PRKCB: variants seen among roughly 807,000 people sequenced by gnomAD.
PRKCB encodes protein kinase C beta.
In PRKCB, 13 loss-of-function variants were observed where a neutral mutation model predicts 81.5. That is an observed-to-expected ratio of 0.16 (90% CI 0.10 to 0.25). PRKCB has a LOEUF of 0.25. Ranked by LOEUF, PRKCB falls within the 10% of genes least tolerant of loss-of-function variation. PRKCB has a pLI of 1.00. For synonymous variants in PRKCB, 335 were observed against 321.4 expected (o/e 1.04, Z -0.45); for missense variants, 509 against 875.7 (o/e 0.58, Z 5.29).
At position 23,911,825 on chromosome 16, in the gene PRKCB, C is replaced by CTTTTTTTTTTT. The variant is rs1567311221; in HGVS notation, c.205+74419_205+74420insTTTTTTTTTTT. 2.4e-5 allele frequency among the ~76,000 whole-genome samples: 3 copies of CTTTTTTTTTTT among 126,372 alleles called. 1 individual carries two copies. 82.9% of individuals were successfully genotyped at this position (126,372 alleles called of 152,430 possible). A position where few individuals can be genotyped will look rare whatever the true frequency, so the allele number is the denominator to read the frequency against. On this transcript the variant is annotated intron_variant, in intron 2 of 16. Transcript: ENST00000643927. ...CTTGTCCTGGGATATGCGCGACCCA[C>CTTTTTTTTTTT]ATTTTTTTTTTTTTTTTTTTTTTTT...
intron 2 of PRKCB, among the ~76,000 whole-genome samples, chr16:23,959,685 C>T (rs1285257809): frequency 3.3e-5 from 5 of 151,218 alleles, no homozygotes; most frequent in African/African-American, 1.2e-4. Context: ...AGCCTGCAAT[C>T]TTGGGTGTCA....
chr16:24,213,006 A>ATATTTATTTATTTATTTATT (rs113357248), intron 16 of PRKCB, among the ~76,000 whole-genome samples: 1 of 143,742 alleles, frequency 7.0e-6, no homozygotes, highest in Non-Finnish European at 1.5e-5. Context: ...CCGTACTTGT[A>ATATTTATTTATTTATTTATT]TATTTATTTA....
chr16:23,992,924 T>G (rs1964906221), intron 3 of PRKCB, among the ~76,000 whole-genome samples: 1 of 152,120 alleles, frequency 6.6e-6, no homozygotes, highest in African/African-American at 2.4e-5. Context: ...GGAAGTGGCC[T>G]CCTTACCTCA....
chr16:24,067,519 G>A (rs1383412296), intron 5 of PRKCB, among the ~76,000 whole-genome samples: 2 of 152,120 alleles, frequency 1.3e-5, no homozygotes, highest in Non-Finnish European at 2.9e-5. Flanking sequence ...GGCTGGTCTT[G>A]AATTCCTGAG....
At chr16:24,040,382 C>T (rs556116404) in intron 5 of PRKCB, among the ~76,000 whole-genome samples, 1 of 152,294 alleles carries the variant, frequency 6.6e-6, no homozygotes, top group South Asian at 2.1e-4. Context: ...GCCATCTTCT[C>T]TTTTTCTAGC....
chr16:24,018,558 A>G (rs1399129330), intron 3 of PRKCB, among the ~76,000 whole-genome samples: 1 of 152,276 alleles, frequency 6.6e-6, no homozygotes, highest in African/African-American at 2.4e-5. Flanking sequence ...AGATGTGGCT[A>G]CTAATTCACC....
rs553978159 is a variant in PRKCB, at chr16:24,201,852, G to A, written c.1863+10622G>A. On this transcript the variant is annotated intron_variant, in intron 16 of 16. Coordinates refer to ENST00000643927, the MANE Select transcript of PRKCB (RefSeq NM_002738.7). The stretch of plus-strand genomic sequence containing the variant: ...AGATCGAGACCATCTTGGCTAACAC[G>A]GTGAAACCCCATCTCCACTAAAAAA... Among the ~76,000 whole-genome samples, 11 of 152,048 alleles carry A rather than the reference G, an allele frequency of 7.2e-5. No individual in the cohort carries two copies. The South Asian group carries it at 1.4e-3, about 20-fold the overall frequency.
rs112054751 is a variant in PRKCB at position 24,017,819 on chromosome 16, T to G, written c.289-14317T>G. Among the ~76,000 whole-genome samples the G allele has an allele frequency of 9.9e-4, 149 of 151,212 alleles. 1 individual carries two copies. The highest frequency in any genetic ancestry group is 3.1e-3 in the African/African-American group (128 of 41,154). ...ATCCTGGTTCGCTGTAGCCTTGAACTCCCGGCCTCAAGTGATCCTCCCACT... is the reference window on the plus strand; with the variant it reads ...ATCCTGGTTCGCTGTAGCCTTGAACGCCCGGCCTCAAGTGATCCTCCCACT... On this transcript the variant is annotated intron_variant, in intron 3 of 16. Transcript: ENST00000643927.
chr16:24,138,136 T>A (rs1478509309), intron 9 of PRKCB, among the ~76,000 whole-genome samples: 1 of 152,226 alleles, frequency 6.6e-6, no homozygotes, highest in East Asian at 1.9e-4. Flanking sequence ...CTTGCAGTCC[T>A]GAAGCGGTGG....
chr16:23,982,107 C>CT (rs1964736283), intron 2 of PRKCB, among the ~76,000 whole-genome samples: 3 of 61,686 alleles, frequency 4.9e-5, no homozygotes, highest in African/African-American at 7.6e-5. Flanking sequence ...TTTCCCTTCC[C>CT]TTCCCTTTCC....
chr16:24,206,993 C>T (rs72779994), intron 16 of PRKCB, among the ~76,000 whole-genome samples: 25,938 of 152,232 alleles, frequency 0.17, 2,655 homozygotes, highest in East Asian at 0.22. Context: ...TGCAGAGGCA[C>T]GATCATAGCT....
intron 3 of PRKCB, among the ~76,000 whole-genome samples, chr16:23,994,001 C>T (rs1964923057): frequency 6.6e-6 from 1 of 152,164 alleles, no homozygotes; most frequent in South Asian, 2.1e-4. Context: ...GACCCAGAAC[C>T]CTTTGAATGA....
chr16:24,022,514 CAG>C (rs985643244), intron 3 of PRKCB, among the ~76,000 whole-genome samples: 1 of 152,066 alleles, frequency 6.6e-6, no homozygotes, highest in Non-Finnish European at 1.5e-5. Context: ...TTGTTTGAGA[CAG>C]AGTCTCGCTC....
chr16:23,934,052 T>TCCAC (rs1964023542), intron 2 of PRKCB, among the ~76,000 whole-genome samples: 1 of 151,808 alleles, frequency 6.6e-6, no homozygotes, highest in Admixed American at 6.6e-5. Flanking sequence ...CATCCATCCA[T>TCCAC]CCACCCATTT....
Position 23,836,294 on chromosome 16 carries a change from C to G in PRKCB, c.119C>G (p.Thr40Ser). 2 of 1,605,328 alleles carry G rather than the reference C, an allele frequency of 1.2e-6. No homozygotes were observed. The highest frequency in any genetic ancestry group is 1.7e-6 in the Non-Finnish European group (2 of 1,176,218). ...CATGAGGTCAAGAACCACAAATTCACCGCCCGCTTCTTCAAGCAGCCCACC... is the reference window on the plus strand; with the variant it reads ...CATGAGGTCAAGAACCACAAATTCAGCGCCCGCTTCTTCAAGCAGCCCACC... Reference protein sequence around the residue: ...NVHEVKNHKFTARFFKQPTFC... With the variant: ...NVHEVKNHKFSARFFKQPTFC... The change falls in exon 1 of 17, where the codon ACC (threonine) becomes AGC (serine). Residue 40 changes from threonine to serine, a missense_variant. Thr to Ser is a moderately conservative substitution (Grantham distance 58, BLOSUM62 1). Around this residue, in one of 6 missense-constraint regions of PRKCB, gnomAD observed 184 missense variants for 362.9 expected, o/e 0.51. Transcript: ENST00000643927.
Position 24,217,744 on chromosome 16 carries a change from G to A in PRKCB, c.*2928G>A, listed in dbSNP as rs1280346084. On this transcript the variant is annotated 3_prime_UTR_variant, in exon 17 of 17. Coordinates refer to ENST00000643927, the MANE Select transcript of PRKCB (RefSeq NM_002738.7). Reference sequence around the variant, plus strand: ...GCCCACAGGCAGGGAAAGCGAAATAGGGTTGATGAGACCAGGGGAGACCTA... The same window carrying A: ...GCCCACAGGCAGGGAAAGCGAAATAAGGTTGATGAGACCAGGGGAGACCTA... 4 of 985,382 alleles carry A rather than the reference G, an allele frequency of 4.1e-6. No individual in the cohort carries two copies. The highest frequency in any genetic ancestry group is 1.7e-5 in the African/African-American group (1 of 57,336). 61.0% of individuals were successfully genotyped at this position (985,382 alleles called of 1,614,324 possible).
chr16:23,862,714 C>T (rs372680384), intron 2 of PRKCB, among the ~76,000 whole-genome samples: 15 of 152,240 alleles, frequency 9.9e-5, no homozygotes, highest in East Asian at 5.8e-4. Context: ...GGAAAACTAA[C>T]GCCCAGAGAG....
chr16:23,860,349 T>C (rs1465788869), intron 2 of PRKCB, among the ~76,000 whole-genome samples: 1 of 151,960 alleles, frequency 6.6e-6, no homozygotes, highest in East Asian at 1.9e-4. Flanking sequence ...AAGAGAAAGC[T>C]TGGGGGAGAA....
intron 2 of PRKCB, among the ~76,000 whole-genome samples, chr16:23,968,116 G>A (rs1964512147): frequency 6.6e-6 from 1 of 152,124 alleles, no homozygotes; most frequent in Non-Finnish European, 1.5e-5. Flanking sequence ...GGGTCTTTGA[G>A]TTTGTGCCTT....
Sources: allele counts gnomAD v4.1 joint callset (sites outside exome capture counted in the v4.1 genomes callset), GRCh38; gene constraint gnomAD v4.1.1; regional missense constraint gnomAD v4.1.1; transcripts MANE v1.5; gene names NCBI Gene and HGNC (gene_info 2026-07-23, HGNC 2026-07-21).